The following TOX2 variants were observed in gnomAD, a reference collection of about 807,000 sequenced individuals.
TOX2 encodes TOX high mobility group box family member 2.
Under a neutral mutation model 47.4 loss-of-function variants are expected in TOX2, and 15 were observed. The ratio of observed to expected loss-of-function variants is 0.32; its 90% confidence interval spans 0.21 to 0.49. The LOEUF is 0.49. Among genes scored for constraint, TOX2 ranks in the 20% least tolerant of loss-of-function variants. The pLI is 0.99. For synonymous variants in TOX2, 290 were observed against 296.6 expected (o/e 0.98, Z 0.23); for missense variants, 622 against 673.1 (o/e 0.92, Z 0.84).
chr20:44,049,983 A>G (rs2071480874), intron 3 of TOX2, among the ~76,000 whole-genome samples: 1 of 152,220 alleles, frequency 6.6e-6, no homozygotes, highest in Non-Finnish European at 1.5e-5. Flanking sequence ...AGAATGATTT[A>G]TATTCCTCTG....
At chr20:43,993,943 A>G (rs1326438104) in intron 2 of TOX2, among the ~76,000 whole-genome samples, 2 of 152,158 alleles carry the variant, frequency 1.3e-5, no homozygotes, top group African/African-American at 4.8e-5. Flanking sequence ...GCTTGAGGCC[A>G]GGAGTTTGAG....
chr20:43,990,698 C>T lies in TOX2; in HGVS notation c.166-15849C>T, dbSNP rs146944915. The stretch of plus-strand genomic sequence containing the variant: ...CTTGGATGCCAAGCAGAGGCCGGGA[C>T]CCTGTTCTGAAGGGTCTGAGCAGGG... On this transcript the variant is annotated intron_variant, in intron 2 of 8. Transcript: ENST00000341197. Among the ~76,000 whole-genome samples, 1,274 of 152,150 alleles carry T rather than the reference C, an allele frequency of 8.4e-3. 8 individuals carry two copies. Among genetic ancestry groups the T allele is most frequent in the Non-Finnish European group, 0.014 (944 of 67,988 alleles).
chr20:44,025,112 T>G (rs532787017), intron 3 of TOX2, among the ~76,000 whole-genome samples: 2 of 152,342 alleles, frequency 1.3e-5, no homozygotes, highest in East Asian at 3.9e-4. Flanking sequence ...TTATAAACTC[T>G]CTTGGGATGG....
At position 43,924,877 on chromosome 20, in the gene TOX2, C is replaced by T. The variant is rs1288374388; in HGVS notation, c.99+9887C>T. 2.0e-5 allele frequency among the ~76,000 whole-genome samples: 3 copies of T among 152,262 alleles called. No homozygotes were observed. The East Asian group carries it at 5.8e-4, about 29-fold the overall frequency. On this transcript the variant is annotated intron_variant, in intron 1 of 8. Coordinates refer to ENST00000341197, the MANE Select transcript of TOX2 (RefSeq NM_001098797.2). ...TCACTCTCTGTCCCTCTCCCTTCTCCACACACAGCCCTGTGTCCCGGGGTG... is the reference window on the plus strand; with the variant it reads ...TCACTCTCTGTCCCTCTCCCTTCTCTACACACAGCCCTGTGTCCCGGGGTG...
intron 2 of TOX2, among the ~76,000 whole-genome samples, chr20:43,988,642 G>A (rs2070314179): frequency 6.6e-6 from 1 of 152,326 alleles, no homozygotes; most frequent in South Asian, 2.1e-4. Flanking sequence ...TGGGTTTCGT[G>A]GGGGCAGGGA....
intron 1 of TOX2, among the ~76,000 whole-genome samples, chr20:43,924,045 C>G (rs897079980): frequency 1.4e-4 from 21 of 152,146 alleles, no homozygotes; most frequent in African/African-American, 4.8e-4. Context: ...AGGCAGTTCC[C>G]TTGGGTGAAG....
chr20:44,043,575 G>A (rs1411072534), intron 3 of TOX2, among the ~76,000 whole-genome samples: 1 of 152,144 alleles, frequency 6.6e-6, no homozygotes, highest in Non-Finnish European at 1.5e-5. Flanking sequence ...GGCAGCTGTA[G>A]GTCCACGTTG....
chr20:43,921,624 A>G (rs1245665604), intron 1 of TOX2, among the ~76,000 whole-genome samples: 6 of 151,542 alleles, frequency 4.0e-5, no homozygotes, highest in Non-Finnish European at 7.4e-5. Flanking sequence ...CTGCTGGAGG[A>G]TGCTCCACAG....
intron 1 of TOX2, among the ~76,000 whole-genome samples, chr20:43,945,218 A>G (rs1223354927): frequency 2.6e-5 from 4 of 152,258 alleles, no homozygotes; most frequent in East Asian, 1.9e-4. Context: ...TGTAACTGCT[A>G]TTAACAGCCT....
At position 43,927,873 on chromosome 20, in the gene TOX2, G is replaced by A. The variant is rs183930152; in HGVS notation, c.99+12883G>A. Among the ~76,000 whole-genome samples the A allele has an allele frequency of 5.8e-3, 884 of 151,582 alleles. 1 individual carries two copies. Among genetic ancestry groups the A allele is most frequent in the Non-Finnish European group, 9.5e-3 (645 of 67,932 alleles). On this transcript the variant is annotated intron_variant, in intron 1 of 8. Coordinates refer to ENST00000341197, the MANE Select transcript of TOX2 (RefSeq NM_001098797.2). Reference sequence around the variant, plus strand: ...AGGCTTTGTGGTAGGTGCCAGGCAGGAACAGGTAATTAAGACATGGTCCTT... The same window carrying A: ...AGGCTTTGTGGTAGGTGCCAGGCAGAAACAGGTAATTAAGACATGGTCCTT...
chr20:44,018,763 C>T (rs1167668043), intron 3 of TOX2, among the ~76,000 whole-genome samples: 1 of 152,150 alleles, frequency 6.6e-6, no homozygotes, highest in Non-Finnish European at 1.5e-5. Flanking sequence ...CTATGGAAGA[C>T]TGGAGGCTGG....
At chr20:43,957,827 G>A (rs895524052) in intron 1 of TOX2, among the ~76,000 whole-genome samples, 6 of 152,258 alleles carry the variant, frequency 3.9e-5, no homozygotes, top group Non-Finnish European at 5.9e-5. Context: ...GAAGGTGAAA[G>A]GGTGGCAGGT....
intron 5 of TOX2, among the ~76,000 whole-genome samples, chr20:44,058,120 C>T (rs1302347747): frequency 1.3e-5 from 2 of 152,350 alleles, no homozygotes; most frequent in African/African-American, 4.8e-5. Flanking sequence ...AATCCACAGA[C>T]ACTTTGAAGG....
chr20:43,942,106 A>G (rs923573340), intron 1 of TOX2, among the ~76,000 whole-genome samples: 1 of 152,178 alleles, frequency 6.6e-6, no homozygotes, highest in Non-Finnish European at 1.5e-5. Context: ...TGAGGATTAA[A>G]TGAGATCATC....
intron 1 of TOX2, among the ~76,000 whole-genome samples, chr20:43,957,811 G>A (rs902993456): frequency 9.2e-5 from 14 of 152,124 alleles, no homozygotes; most frequent in Admixed American, 3.9e-4. Context: ...ACTTACAACC[G>A]TGGCAGAAGG....
intron 5 of TOX2, among the ~76,000 whole-genome samples, chr20:44,056,756 G>C (rs1160324861): frequency 6.6e-6 from 1 of 152,046 alleles, no homozygotes; most frequent in African/African-American, 2.4e-5. Flanking sequence ...AGTATAAAAA[G>C]TTAGGAATTT....
At chr20:44,052,171 G>T (rs6031328) in intron 4 of TOX2, among the ~76,000 whole-genome samples, 9 of 152,046 alleles carry the variant, frequency 5.9e-5, no homozygotes, top group Non-Finnish European at 5.9e-5. Context: ...AAAAATGACC[G>T]CCCCACTGGG....
intron 2 of TOX2, among the ~76,000 whole-genome samples, chr20:43,992,982 G>C (rs1042109425): frequency 2.0e-5 from 3 of 152,126 alleles, no homozygotes; most frequent in Non-Finnish European, 4.4e-5. Context: ...TACCCACCAA[G>C]CATGTTTTCC....
intron 8 of TOX2, 106 bp downstream of exon 8, chr20:44,066,963 C>A: frequency 1.4e-6 from 2 of 1,468,006 alleles, no homozygotes; most frequent in South Asian, 2.6e-5. Context: ...AGGGGAGGAC[C>A]CTGCAGTCAC....
Sources: gnomAD v4.1 joint callset for allele counts (sites outside exome capture counted in the v4.1 genomes callset) on GRCh38, gnomAD v4.1.1 for gene constraint, MANE v1.5 for transcripts, NCBI Gene and HGNC (gene_info 2026-07-23, HGNC 2026-07-21) for gene names.